Variants in ATP9B observed in about 807,000 individuals in gnomAD.
The protein encoded by ATP9B is probable phospholipid-transporting ATPase IIB.
Under a neutral mutation model 146.1 loss-of-function variants are expected in ATP9B, and 110 were observed. That is an observed-to-expected ratio of 0.75 (90% CI 0.65 to 0.88). ATP9B has a LOEUF of 0.88. ATP9B is among the 40% of genes least tolerant of loss of function. The pLI is 0.00. For synonymous variants in ATP9B, 604 were observed against 569.7 expected (o/e 1.06, Z -0.86); for missense variants, 1,499 against 1,496.4 (o/e 1.00, Z -0.03).
At chr18:79,221,518 C>T (rs1219333288) in intron 11 of ATP9B, among the ~76,000 whole-genome samples, 1 of 152,158 alleles carries the variant, frequency 6.6e-6, no homozygotes, top group Non-Finnish European at 1.5e-5. Context: ...CCCAGGAGTT[C>T]GAGGCCAGCC....
At chr18:79,103,472 C>T (rs1046382994) in intron 2 of ATP9B, among the ~76,000 whole-genome samples, 11 of 151,748 alleles carry the variant, frequency 7.2e-5, no homozygotes, top group African/African-American at 2.7e-4. Context: ...ATGTGGTATA[C>T]CTCTGTGAAG....
At chr18:79,270,833 G>C (rs945616587) in intron 12 of ATP9B, among the ~76,000 whole-genome samples, 1 of 152,196 alleles carries the variant, frequency 6.6e-6, no homozygotes, top group Non-Finnish European at 1.5e-5. Flanking sequence ...TGTCCCCAGA[G>C]TTCAGGCACA....
chr18:79,264,825 GTT>G (rs920388065), intron 12 of ATP9B, among the ~76,000 whole-genome samples: 3 of 152,100 alleles, frequency 2.0e-5, no homozygotes, highest in African/African-American at 7.2e-5. Flanking sequence ...ACATGGGCCT[GTT>G]TTGGTTACCT....
intron 15 of ATP9B, among the ~76,000 whole-genome samples, chr18:79,327,692 GTGGTTAGTGTGCTCTCTCCA>G (rs1380877016): frequency 5.7e-4 from 77 of 134,210 alleles, no homozygotes; most frequent in African/African-American, 1.7e-3. Flanking sequence ...CGTGCTCTCC[GTGGTTAGTGTGCTCTCTCCA>G]TGGTTAGCGT....
intron 11 of ATP9B, among the ~76,000 whole-genome samples, chr18:79,218,411 GCTT>G (rs1280674262): frequency 6.6e-6 from 1 of 150,754 alleles, no homozygotes; most frequent in Admixed American, 6.6e-5. Context: ...GGCAGCTCCT[GCTT>G]CTTGTCATGT....
At chr18:79,281,744 C>T (rs1467750348) in intron 13 of ATP9B, among the ~76,000 whole-genome samples, 1 of 152,114 alleles carries the variant, frequency 6.6e-6, no homozygotes, top group African/African-American at 2.4e-5. Flanking sequence ...TCTTCTGGGG[C>T]CAGGTGCAGT....
At chr18:79,339,081 G>A (rs1045280217) in intron 19 of ATP9B, among the ~76,000 whole-genome samples, 17 of 152,010 alleles carry the variant, frequency 1.1e-4, no homozygotes, top group African/African-American at 3.4e-4. Flanking sequence ...TGTCATGTTC[G>A]CAGTAGGAAG....
At chr18:79,284,659 A>G (rs2096415161) in intron 13 of ATP9B, among the ~76,000 whole-genome samples, 2 of 151,794 alleles carry the variant, frequency 1.3e-5, no homozygotes, top group Admixed American at 1.3e-4. Flanking sequence ...TTTAGGGTAC[A>G]TGTGCACAAT....
intron 8 of ATP9B, among the ~76,000 whole-genome samples, chr18:79,186,386 A>G (rs7239217): frequency 0.56 from 85,346 of 151,908 alleles, 25,720 homozygotes; most frequent in African/African-American, 0.79. Flanking sequence ...TTCGAATGAC[A>G]TTCTCATTAT....
chr18:79,336,540 GCAAT>G, intron 17 of ATP9B, 84 bp from the exon 18 acceptor site: 1 of 1,212,470 alleles, frequency 8.2e-7, no homozygotes, highest in South Asian at 1.3e-5. Context: ...CAGGGCACCA[GCAAT>G]CAGAGTGTGG....
chr18:79,301,096 A>G (rs1343575343), intron 13 of ATP9B, among the ~76,000 whole-genome samples: 3 of 152,238 alleles, frequency 2.0e-5, no homozygotes, highest in Non-Finnish European at 4.4e-5. Flanking sequence ...AATAGAGGCA[A>G]ACTTGGTACT....
chr18:79,120,593 C>T (rs6506729), intron 4 of ATP9B, among the ~76,000 whole-genome samples: 85,402 of 152,034 alleles, frequency 0.56, 25,675 homozygotes, highest in African/African-American at 0.79. Flanking sequence ...ACTTTTCATA[C>T]TCAGCTTTCA....
chr18:79,359,940 C>A, intron 26 of ATP9B: 1 of 174,476 alleles, frequency 5.7e-6, no homozygotes, highest in East Asian at 1.4e-4. Context: ...CAGAATTATC[C>A]CTGAAAAGTG....
intron 29 of ATP9B, chr18:79,375,745 C>T: frequency 1.0e-6 from 1 of 985,402 alleles, no homozygotes; most frequent in Non-Finnish European, 1.2e-6. Context: ...AAAACACTTC[C>T]AGGGTCTTCA....
At chr18:79,369,293 G>A (rs930072662) in intron 26 of ATP9B, among the ~76,000 whole-genome samples, 8 of 152,128 alleles carry the variant, frequency 5.3e-5, no homozygotes, top group African/African-American at 1.9e-4. Context: ...CCAGCACTTT[G>A]GGAGGCCGAG....
chr18:79,195,135 A>G (rs1216523616), intron 9 of ATP9B, among the ~76,000 whole-genome samples: 4 of 152,224 alleles, frequency 2.6e-5, no homozygotes, highest in African/African-American at 9.6e-5. Context: ...TTCATTGAAG[A>G]CATAGAACTT....
intron 8 of ATP9B, among the ~76,000 whole-genome samples, chr18:79,181,267 G>C (rs1207742609): frequency 6.6e-6 from 1 of 152,126 alleles, no homozygotes; most frequent in African/African-American, 2.4e-5. Context: ...TTCTGTGGGC[G>C]TTTGGAAAGT....
At chr18:79,205,667 G>T (rs1005061310) in intron 9 of ATP9B, among the ~76,000 whole-genome samples, 14 of 152,134 alleles carry the variant, frequency 9.2e-5, no homozygotes, top group African/African-American at 3.4e-4. Context: ...ACTTCTAGAT[G>T]CAGGGCTGTG....
At chr18:79,150,321 A>C (rs1350209140) in intron 6 of ATP9B, among the ~76,000 whole-genome samples, 1 of 152,216 alleles carries the variant, frequency 6.6e-6, no homozygotes, top group Admixed American at 6.5e-5. Context: ...CTTAAAAAAA[A>C]AAACTGTAAC....
Sources: gnomAD v4.1 joint callset for allele counts (sites outside exome capture counted in the v4.1 genomes callset) on GRCh38, gnomAD v4.1.1 for gene constraint, MANE v1.5 for transcripts, NCBI Gene and HGNC (gene_info 2026-07-23, HGNC 2026-07-21) for gene names.